NXPE2: variants seen among roughly 807,000 people sequenced by gnomAD.
The protein encoded by NXPE2 is NXPE family member 2.
A neutral mutation model predicts 34.4 loss-of-function variants in NXPE2; 34 were observed. That is an observed-to-expected ratio of 0.99 (90% CI 0.75 to 1.31). The LOEUF is 1.31. Among genes scored for constraint, NXPE2 ranks in the 40% most tolerant of loss-of-function variants. NXPE2 has a pLI of 0.00. For missense variants in NXPE2, 649 were observed against 672.5 expected (o/e 0.97, Z 0.39); for synonymous variants, 235 against 231.3 (o/e 1.02, Z -0.15).
At chr11:114,583,110 A>C in the NXPE2 span, 1 of 1,356,406 alleles carries the variant, frequency 7.4e-7, no homozygotes, top group Non-Finnish European at 1.0e-6. Context: ...CTATGAAATT[A>C]ACATGTTCCT....
chr11:114,588,138 A>G, the NXPE2 span, among the ~76,000 whole-genome samples: 1 of 152,120 alleles, frequency 6.6e-6, no homozygotes, highest in African/African-American at 2.4e-5. Context: ...CCTCCAGGGA[A>G]CTATCTGAGG....
At chr11:114,727,774 A>AACACACACAAACACACACACACACAC in the NXPE2 span, among the ~76,000 whole-genome samples, 24 of 127,636 alleles carry the variant, frequency 1.9e-4, no homozygotes, top group South Asian at 2.6e-4. Context: ...ATGTGTACAC[A>AACACACACAAACACACACACACACAC]ACACACACAC....
At chr11:114,530,891 G>A in the NXPE2 span, 2 of 1,609,682 alleles carry the variant, frequency 1.2e-6, no homozygotes, top group Non-Finnish European at 1.7e-6. Context: ...AGATGGATAA[G>A]TTTAGAGCAG....
chr11:114,610,346 A>G, the NXPE2 span, among the ~76,000 whole-genome samples: 1 of 149,850 alleles, frequency 6.7e-6, no homozygotes, highest in Non-Finnish European at 1.5e-5. Context: ...TGGCCTCATG[A>G]GTAACCACTG....
At chr11:114,502,313 C>G in the NXPE2 span, among the ~76,000 whole-genome samples, 3 of 152,170 alleles carry the variant, frequency 2.0e-5, no homozygotes, top group Non-Finnish European at 2.9e-5. Context: ...AAATTCTTCA[C>G]TCCCCCCACA....
chr11:114,500,509 T>C, the NXPE2 span, among the ~76,000 whole-genome samples: 11 of 152,256 alleles, frequency 7.2e-5, no homozygotes, highest in East Asian at 7.7e-4. Context: ...GTTCTCCACA[T>C]ATTCTGGATA....
At chr11:114,763,164 G>A in the NXPE2 span, among the ~76,000 whole-genome samples, 1 of 152,048 alleles carries the variant, frequency 6.6e-6, no homozygotes, top group Admixed American at 6.5e-5. Flanking sequence ...AAATTATGGG[G>A]CAAGAATAGT....
chr11:114,547,156 A>C, the NXPE2 span, among the ~76,000 whole-genome samples: 315 of 152,266 alleles, frequency 2.1e-3, 3 homozygotes, highest in African/African-American at 6.6e-3. Flanking sequence ...AAGGAAGAGT[A>C]ATCTTACTGT....
the NXPE2 span, among the ~76,000 whole-genome samples, chr11:114,810,122 A>G: frequency 6.9e-6 from 1 of 145,798 alleles, no homozygotes; most frequent in African/African-American, 2.5e-5. Flanking sequence ...TGGTGCTGGG[A>G]AAACTGGCTA....
chr11:114,628,001 A>T, the NXPE2 span, among the ~76,000 whole-genome samples: 2 of 152,004 alleles, frequency 1.3e-5, no homozygotes, highest in East Asian at 3.9e-4. Flanking sequence ...CCAACACAGG[A>T]GCACCTAGAT....
the NXPE2 span, among the ~76,000 whole-genome samples, chr11:114,811,803 G>A: frequency 1.3e-5 from 2 of 152,184 alleles, no homozygotes; most frequent in African/African-American, 4.8e-5. Flanking sequence ...AATGCAGTTA[G>A]TATGGGTTGC....
At chr11:114,482,077 G>A in the NXPE2 span, among the ~76,000 whole-genome samples, 1 of 152,092 alleles carries the variant, frequency 6.6e-6, no homozygotes, top group Non-Finnish European at 1.5e-5. Flanking sequence ...CTCATTTTGT[G>A]CTCCTGGGCA....
At chr11:114,530,967 A>C in the NXPE2 span, 7 of 1,458,722 alleles carry the variant, frequency 4.8e-6, no homozygotes, top group East Asian at 2.3e-5. Flanking sequence ...ATTTTTACTT[A>C]TTATGAGTTT....
At chr11:114,725,976 A>AAAAAAATATATATATAT in the NXPE2 span, among the ~76,000 whole-genome samples, 4 of 101,758 alleles carry the variant, frequency 3.9e-5, no homozygotes, top group African/African-American at 1.3e-4. Context: ...ATAAAAAAAA[A>AAAAAAATATATATATAT]ATATATATAT....
chr11:114,559,696 C>G, the NXPE2 span: 1 of 152,112 alleles, frequency 6.6e-6, no homozygotes, highest in Non-Finnish European at 1.5e-5. Flanking sequence ...TCAGCAGACA[C>G]AGTCTTTCTA....
the NXPE2 span, among the ~76,000 whole-genome samples, chr11:114,640,203 T>C: frequency 8.0e-6 from 1 of 124,410 alleles, no homozygotes; most frequent in South Asian, 2.6e-4. Context: ...TTATATATAT[T>C]ATATTTTAAA....
chr11:114,736,523 C>T, the NXPE2 span, among the ~76,000 whole-genome samples: 1 of 152,230 alleles, frequency 6.6e-6, no homozygotes, highest in Non-Finnish European at 1.5e-5. Context: ...CTCTTGTTCC[C>T]TGAACATTGC....
the NXPE2 span, among the ~76,000 whole-genome samples, chr11:114,653,996 C>G: frequency 2.6e-5 from 4 of 152,006 alleles, no homozygotes; most frequent in Admixed American, 2.6e-4. Flanking sequence ...AAGGCATACC[C>G]GGCAGAGGGA....
At chr11:114,806,692 G>C in the NXPE2 span, among the ~76,000 whole-genome samples, 3 of 152,100 alleles carry the variant, frequency 2.0e-5, no homozygotes, top group African/African-American at 7.2e-5. Flanking sequence ...GGGACTATGT[G>C]AAAAGACCAA....
Sources: gnomAD v4.1 joint callset for allele counts (sites outside exome capture counted in the v4.1 genomes callset) on GRCh38, gnomAD v4.1.1 for gene constraint, MANE v1.5 for transcripts, NCBI Gene and HGNC (gene_info 2026-07-23, HGNC 2026-07-21) for gene names.